Variants in SLC16A12 observed in about 807,000 individuals in gnomAD.
The protein encoded by SLC16A12 is monocarboxylate transporter 12.
SLC16A12 carries 17 observed loss-of-function variants against 42.4 expected under a neutral mutation model. That is an observed-to-expected ratio of 0.40 (90% CI 0.27 to 0.60). SLC16A12 has a LOEUF of 0.60. SLC16A12 is among the 20% of genes least tolerant of loss of function. The pLI, the probability that SLC16A12 is intolerant of heterozygous loss-of-function variation, is 0.42. For missense variants in SLC16A12, 544 were observed against 623.0 expected (o/e 0.87, Z 1.35); for synonymous variants, 224 against 229.4 (o/e 0.98, Z 0.21).
chr10:89,508,974 C>A lies in SLC16A12; in HGVS notation c.-47+25527G>T, dbSNP rs1463105048. Among the ~76,000 whole-genome samples, 3 of 152,218 alleles carry A rather than the reference C, an allele frequency of 2.0e-5. No individual in the cohort carries two copies. The East Asian group carries it at 5.8e-4, about 29-fold the overall frequency. On this transcript the variant is annotated intron_variant, in intron 2 of 7. Coordinates refer to ENST00000371790, the MANE Select transcript of SLC16A12 (RefSeq NM_213606.4). ...AGAGAATACTATGAACACCTCTACA[C>A]AAATAAACTAGAAAATCTAGAAGAA...
upstream of SLC16A12, among the ~76,000 whole-genome samples, chr10:89,536,269 G>T (rs1166317223): frequency 2.6e-5 from 4 of 152,158 alleles, no homozygotes; most frequent in Non-Finnish European, 5.9e-5. Context: ...TCCGGACCCT[G>T]CTAGCCAATC....
intron 2 of SLC16A12, among the ~76,000 whole-genome samples, chr10:89,467,313 G>GAAT (rs1842418394): frequency 6.6e-6 from 1 of 152,114 alleles, no homozygotes; most frequent in Non-Finnish European, 1.5e-5. Flanking sequence ...ATAATGTGAT[G>GAAT]GATCATGAAT....
intron 2 of SLC16A12, among the ~76,000 whole-genome samples, chr10:89,507,985 C>T (rs111339659): frequency 0.039 from 5,874 of 152,158 alleles, 144 homozygotes; most frequent in Non-Finnish European, 0.042. Flanking sequence ...ACAAAGAAGG[C>T]CATTACATAA....
intron 3 of SLC16A12, among the ~76,000 whole-genome samples, chr10:89,450,491 G>A (rs548683921): frequency 6.6e-6 from 1 of 152,276 alleles, no homozygotes; most frequent in Admixed American, 6.5e-5. Flanking sequence ...ACCATTCTGA[G>A]CAAACTATCG....
chr10:89,477,977 G>A (rs1419930011), intron 2 of SLC16A12, among the ~76,000 whole-genome samples: 1 of 150,190 alleles, frequency 6.7e-6, no homozygotes, highest in Admixed American at 6.8e-5. Context: ...TTAAGGAACT[G>A]GGAAGGGAAG....
At chr10:89,462,668 C>G in intron 2 of SLC16A12, 44 bp from the exon 3 acceptor site, 2 of 1,481,298 alleles carry the variant, frequency 1.4e-6, no homozygotes, top group Non-Finnish European at 1.8e-6. Flanking sequence ...ATTGCTATGT[C>G]CAAAGGTTGA....
At chr10:89,484,065 G>T (rs1842712131) in intron 2 of SLC16A12, among the ~76,000 whole-genome samples, 1 of 152,166 alleles carries the variant, frequency 6.6e-6, no homozygotes, top group Admixed American at 6.5e-5. Context: ...GACATGGGTG[G>T]CTCTCTTAAG....
intron 2 of SLC16A12, among the ~76,000 whole-genome samples, chr10:89,554,415 C>T (rs940397748): frequency 3.9e-5 from 6 of 152,132 alleles, no homozygotes; most frequent in Non-Finnish European, 8.8e-5. Context: ...CTTTTAATGG[C>T]CGAGAAAACC....
chr10:89,502,569 G>T (rs563704946), intron 2 of SLC16A12, among the ~76,000 whole-genome samples: 1 of 152,194 alleles, frequency 6.6e-6, no homozygotes, highest in Non-Finnish European at 1.5e-5. Flanking sequence ...TCAGCAGCTT[G>T]CCCAGGAGTT....
At chr10:89,477,986 A>G (rs1193380822) in intron 2 of SLC16A12, among the ~76,000 whole-genome samples, 3 of 151,840 alleles carry the variant, frequency 2.0e-5, no homozygotes, top group African/African-American at 7.3e-5. Flanking sequence ...TGGGAAGGGA[A>G]GACTTCAATA....
At chr10:89,493,209 T>A (rs1167195707) in intron 2 of SLC16A12, among the ~76,000 whole-genome samples, 5 of 150,216 alleles carry the variant, frequency 3.3e-5, no homozygotes, top group Non-Finnish European at 7.4e-5. Context: ...TGAATTCACC[T>A]TTTTTCTTTC....
At position 89,534,644 on chromosome 10, in the gene SLC16A12, C is replaced by CAAAAAAAAA. The variant is rs55935286; in HGVS notation, c.-186-13_-186-5dup. On this transcript the variant is annotated splice_region_variant and splice_polypyrimidine_tract_variant and intron_variant, in intron 1 of 7. Transcript: ENST00000371790. ...CCAATATGTCGAAATCCTGTATCTG[C>CAAAAAAAAA]AAAAAAAAAAAAAAAAAAAAAAAAA... is the stretch of plus-strand genomic sequence containing the variant. 1.1e-4 allele frequency: 6 copies of CAAAAAAAAA among 52,278 alleles called. No individual in the cohort carries two copies. The highest frequency in any genetic ancestry group is 3.0e-4 in the African/African-American group (3 of 9,838). The allele number at this position is 52,278 out of a possible 1,614,324, so 3.2% of individuals were successfully genotyped here. A position where few individuals can be genotyped will look rare whatever the true frequency, so the allele number is the denominator to read the frequency against.
At chr10:89,521,296 C>T (rs755982132) in intron 2 of SLC16A12, among the ~76,000 whole-genome samples, 17 of 152,222 alleles carry the variant, frequency 1.1e-4, no homozygotes, top group Admixed American at 6.5e-4. Flanking sequence ...CACCCCAAAA[C>T]GTGCTACCAA....
chr10:89,453,601 T>C (rs943067042), intron 3 of SLC16A12, among the ~76,000 whole-genome samples: 2 of 152,194 alleles, frequency 1.3e-5, no homozygotes, highest in Non-Finnish European at 2.9e-5. Flanking sequence ...TTAGGAGCAA[T>C]AGGTTATACG....
chr10:89,547,277 A>C (rs1414737323), intron 2 of SLC16A12, among the ~76,000 whole-genome samples: 1 of 152,236 alleles, frequency 6.6e-6, no homozygotes, highest in Non-Finnish European at 1.5e-5. Context: ...TTTTTATCAT[A>C]CTATTACAAT....
chr10:89,511,376 T>C (rs991351047), intron 2 of SLC16A12, among the ~76,000 whole-genome samples: 2 of 152,168 alleles, frequency 1.3e-5, no homozygotes, highest in Non-Finnish European at 2.9e-5. Flanking sequence ...GTGGCACATA[T>C]ACACCATGGA....
chr10:89,530,689 G>C (rs185747157), intron 2 of SLC16A12, among the ~76,000 whole-genome samples: 17 of 152,158 alleles, frequency 1.1e-4, no homozygotes, highest in African/African-American at 3.9e-4. Flanking sequence ...AAAGTGCTGG[G>C]ATTACAGGTG....
chr10:89,522,168 G>A (rs1229470562), intron 2 of SLC16A12, among the ~76,000 whole-genome samples: 2 of 152,278 alleles, frequency 1.3e-5, no homozygotes, highest in Admixed American at 6.5e-5. Context: ...TCATCACAAG[G>A]TGAAGCCAGC....
chr10:89,472,246 C>G (rs1420995490), intron 2 of SLC16A12, among the ~76,000 whole-genome samples: 1 of 151,412 alleles, frequency 6.6e-6, no homozygotes, highest in African/African-American at 2.4e-5. Flanking sequence ...TATGAAATGC[C>G]AAGAAATAGA....
Sources: allele counts gnomAD v4.1 joint callset (sites outside exome capture counted in the v4.1 genomes callset), GRCh38; gene constraint gnomAD v4.1.1; transcripts MANE v1.5; gene names NCBI Gene and HGNC (gene_info 2026-07-23, HGNC 2026-07-21).